The following GALNT13 variants were observed in gnomAD, a reference collection of about 807,000 sequenced individuals.
GALNT13 encodes the protein UDP-GalNAc:polypeptide N-acetylgalactosaminyltransferase 13.
GALNT13 carries 28 observed loss-of-function variants against 64.2 expected under a neutral mutation model. The observed-to-expected ratio is 0.44, with a 90% CI of 0.32 to 0.60. The LOEUF (loss-of-function observed/expected upper bound fraction) is 0.60, where lower values mean the gene tolerates loss of function less well. Among genes scored for constraint, GALNT13 ranks in the 20% least tolerant of loss-of-function variants. The pLI, the probability that GALNT13 is intolerant of heterozygous loss-of-function variation, is 0.05. For missense variants in GALNT13, 577 were observed against 669.8 expected, an observed-to-expected ratio of 0.86 and a Z score of 1.53; for synonymous variants, 214 against 224.6, an observed-to-expected ratio of 0.95 and a Z score of 0.42.
chr2:153,452,342 G>A, the GALNT13 span, among the ~76,000 whole-genome samples: 5 of 152,134 alleles, frequency 3.3e-5, no homozygotes, highest in Admixed American at 1.3e-4. Context: ...TTAGCTGGTC[G>A]TGGTGGAGGG....
the GALNT13 span, among the ~76,000 whole-genome samples, chr2:153,494,892 C>T: frequency 1.3e-5 from 2 of 151,770 alleles, no homozygotes; most frequent in African/African-American, 4.8e-5. Context: ...AGACCAGAGA[C>T]CTAATAAAAA....
At chr2:153,586,147 C>T in the GALNT13 span, among the ~76,000 whole-genome samples, 1 of 152,046 alleles carries the variant, frequency 6.6e-6, no homozygotes, top group Non-Finnish European at 1.5e-5. Context: ...AGACAATTCA[C>T]AAAACAACTA....
chr2:154,353,709 C>G (rs992159889), intron 9 of GALNT13, among the ~76,000 whole-genome samples: 1 of 152,096 alleles, frequency 6.6e-6, no homozygotes, highest in South Asian at 2.1e-4. Flanking sequence ...GCATAATGCC[C>G]TCTGGGTCCA....
intron 3 of GALNT13, among the ~76,000 whole-genome samples, chr2:154,123,191 C>A (rs1259243406): frequency 6.6e-6 from 1 of 151,986 alleles, no homozygotes; most frequent in Non-Finnish European, 1.5e-5. Context: ...ATAGAAACTT[C>A]TGAGATCAAG....
intron 3 of GALNT13, among the ~76,000 whole-genome samples, chr2:154,121,395 G>T (rs1681934435): frequency 6.6e-6 from 1 of 152,092 alleles, no homozygotes; most frequent in Non-Finnish European, 1.5e-5. Flanking sequence ...GAATTGTGTT[G>T]AATTTATAGA....
the GALNT13 span, among the ~76,000 whole-genome samples, chr2:153,174,352 G>T: frequency 3.0e-4 from 45 of 152,276 alleles, no homozygotes; most frequent in African/African-American, 9.9e-4. Context: ...CTTCAGTCCA[G>T]GATGGCAGTG....
chr2:153,432,757 G>A, the GALNT13 span, among the ~76,000 whole-genome samples: 3 of 151,894 alleles, frequency 2.0e-5, no homozygotes, highest in Admixed American at 6.6e-5. Flanking sequence ...TCAGTGCAAC[G>A]TTTCATTTTA....
At chr2:154,334,897 T>C (rs1370424471) in intron 9 of GALNT13, among the ~76,000 whole-genome samples, 1 of 151,998 alleles carries the variant, frequency 6.6e-6, no homozygotes, top group South Asian at 2.1e-4. Context: ...TCCAGTGATA[T>C]TAAATTTCTC....
chr2:153,586,994 G>A, the GALNT13 span, among the ~76,000 whole-genome samples: 1 of 152,088 alleles, frequency 6.6e-6, no homozygotes, highest in Admixed American at 6.6e-5. Flanking sequence ...CAATTTGGGA[G>A]TCTGAGGCAG....
the GALNT13 span, among the ~76,000 whole-genome samples, chr2:153,210,999 CTCAGAGAA>C: frequency 6.6e-6 from 1 of 152,054 alleles, no homozygotes. Flanking sequence ...TATAGAGCAT[CTCAGAGAA>C]GACTGGACAT....
At chr2:153,501,594 C>T in the GALNT13 span, among the ~76,000 whole-genome samples, 2 of 152,214 alleles carry the variant, frequency 1.3e-5, no homozygotes, top group East Asian at 3.9e-4. Flanking sequence ...GACCACCCAA[C>T]ATGCTGGGAT....
the GALNT13 span, among the ~76,000 whole-genome samples, chr2:153,289,916 A>G: frequency 6.6e-6 from 1 of 152,178 alleles, no homozygotes; most frequent in African/African-American, 2.4e-5. Flanking sequence ...GATGGTCAGG[A>G]ACATGAAAAT....
intron 2 of GALNT13, among the ~76,000 whole-genome samples, chr2:153,912,240 T>C (rs1256211758): frequency 1.3e-5 from 2 of 152,228 alleles, no homozygotes; most frequent in African/African-American, 4.8e-5. Flanking sequence ...GTAGTGTTTT[T>C]TTCAGCTCTA....
the GALNT13 span, among the ~76,000 whole-genome samples, chr2:153,177,812 GA>G: frequency 6.6e-6 from 1 of 151,944 alleles, no homozygotes; most frequent in African/African-American, 2.4e-5. Context: ...TATAGCAAAA[GA>G]AAAAACCCAT....
intron 12 of GALNT13, among the ~76,000 whole-genome samples, chr2:154,449,202 T>C (rs1489664483): frequency 2.6e-5 from 4 of 151,908 alleles, no homozygotes; most frequent in Non-Finnish European, 4.4e-5. Flanking sequence ...AAATCTCCTT[T>C]GTATCTAATT....
the GALNT13 span, among the ~76,000 whole-genome samples, chr2:153,486,784 A>T: frequency 6.6e-6 from 1 of 152,150 alleles, no homozygotes; most frequent in Non-Finnish European, 1.5e-5. Context: ...CCTCCACAGA[A>T]TTTTTGTCAT....
intron 4 of GALNT13, among the ~76,000 whole-genome samples, chr2:154,227,333 C>CT (rs755632797): frequency 4.8e-4 from 72 of 149,400 alleles, no homozygotes; most frequent in African/African-American, 1.5e-3. Context: ...TTCTTTTTTT[C>CT]TTTTTTTTTA....
the GALNT13 span, chr2:153,357,507 G>A: frequency 6.6e-6 from 1 of 152,170 alleles, no homozygotes; most frequent in African/African-American, 2.4e-5. Context: ...TGTGTACTAA[G>A]TAATGGAATA....
chr2:153,270,815 G>C, the GALNT13 span, among the ~76,000 whole-genome samples: 1 of 152,110 alleles, frequency 6.6e-6, no homozygotes, highest in African/African-American at 2.4e-5. Flanking sequence ...TGGTGCCACT[G>C]CACTCAGCCT....
Sources: allele counts gnomAD v4.1 joint callset (sites outside exome capture counted in the v4.1 genomes callset), GRCh38; gene constraint gnomAD v4.1.1; transcripts MANE v1.5; gene names NCBI Gene and HGNC (gene_info 2026-07-23, HGNC 2026-07-21).